The following SLC36A1 variants were observed in gnomAD, a reference collection of about 807,000 sequenced individuals.
The protein encoded by SLC36A1 is solute carrier family 36 member 1.
Under a neutral mutation model 47.5 loss-of-function variants are expected in SLC36A1, and 30 were observed. The observed-to-expected ratio is 0.63, with a 90% CI of 0.47 to 0.86. The LOEUF (loss-of-function observed/expected upper bound fraction) is 0.86, where lower values mean the gene tolerates loss of function less well. Ranked by LOEUF, SLC36A1 falls within the 40% of genes least tolerant of loss-of-function variation. The pLI is 0.00. For missense variants in SLC36A1, 517 were observed against 606.0 expected (o/e 0.85, Z 1.54); for synonymous variants, 255 against 249.7 (o/e 1.02, Z -0.20).
intron 5 of SLC36A1, among the ~76,000 whole-genome samples, chr5:151,465,679 G>A (rs186299599): frequency 6.6e-6 from 1 of 152,270 alleles, no homozygotes; most frequent in East Asian, 1.9e-4. Flanking sequence ...TGAGCTAGGA[G>A]TACACCCTCA....
the SLC36A1 span, chr5:151,543,702 G>A: frequency 6.2e-7 from 1 of 1,614,152 alleles, no homozygotes; most frequent in Non-Finnish European, 8.5e-7. Flanking sequence ...GGCTGTACTT[G>A]TTGGCATTTG....
the SLC36A1 span, among the ~76,000 whole-genome samples, chr5:151,371,145 G>A: frequency 6.6e-6 from 1 of 152,032 alleles, no homozygotes; most frequent in Non-Finnish European, 1.5e-5. Flanking sequence ...ATTGAAAAAT[G>A]TCCTCCAGGG....
chr5:151,495,856 GTTTTTTTC>G (rs1410926197), downstream of SLC36A1, among the ~76,000 whole-genome samples: 1 of 152,054 alleles, frequency 6.6e-6, no homozygotes, highest in African/African-American at 2.4e-5. Context: ...TTTATCAATA[GTTTTTTTC>G]TTTTTATTGC....
At chr5:151,448,305 C>G (rs892485739) in intron 1 of SLC36A1, among the ~76,000 whole-genome samples, 11 of 152,204 alleles carry the variant, frequency 7.2e-5, no homozygotes, top group Admixed American at 3.9e-4. Flanking sequence ...TGTTCCTAAG[C>G]TTCAGCAGCT....
the SLC36A1 span, among the ~76,000 whole-genome samples, chr5:151,537,122 C>T: frequency 6.6e-6 from 1 of 151,022 alleles, no homozygotes; most frequent in East Asian, 1.9e-4. Flanking sequence ...TCAAATATTC[C>T]CATAGCTAGC....
At chr5:151,550,617 C>A in the SLC36A1 span, 1 of 1,614,144 alleles carries the variant, frequency 6.2e-7, no homozygotes, top group South Asian at 1.1e-5. Flanking sequence ...GCTGGGAGGG[C>A]CCCGAGCCGA....
At chr5:151,506,042 C>A in the SLC36A1 span, 1 of 1,563,060 alleles carries the variant, frequency 6.4e-7, no homozygotes, top group Non-Finnish European at 8.6e-7. Context: ...GGGGGTATTC[C>A]CAGCGTTCGT....
the SLC36A1 span, among the ~76,000 whole-genome samples, chr5:151,500,277 T>A: frequency 6.6e-6 from 1 of 152,218 alleles, no homozygotes; most frequent in Non-Finnish European, 1.5e-5. Flanking sequence ...TTATTTAAGT[T>A]ACTAACATAA....
the SLC36A1 span, among the ~76,000 whole-genome samples, chr5:151,370,790 T>C: frequency 6.6e-6 from 1 of 152,032 alleles, no homozygotes; most frequent in Non-Finnish European, 1.5e-5. Flanking sequence ...GCCAGGAGTT[T>C]GAGACCAGCC....
the SLC36A1 span, chr5:151,549,545 G>A: frequency 1.3e-5 from 21 of 1,579,718 alleles, no homozygotes; most frequent in Non-Finnish European, 1.8e-5. Flanking sequence ...GCAGCAAATG[G>A]AATAGGAGGA....
At chr5:151,454,889 T>G (rs901535618) in intron 1 of SLC36A1, among the ~76,000 whole-genome samples, 3 of 152,064 alleles carry the variant, frequency 2.0e-5, no homozygotes, top group African/African-American at 7.2e-5. Context: ...ATTTTTTGTA[T>G]TTTTAGTAGA....
chr5:151,543,774 A>G, the SLC36A1 span: 1 of 1,614,136 alleles, frequency 6.2e-7, no homozygotes. Flanking sequence ...CTACCCTCAA[A>G]TTGTAAGAAG....
chr5:151,544,113 A>G, the SLC36A1 span: 1 of 1,614,208 alleles, frequency 6.2e-7, no homozygotes, highest in Non-Finnish European at 8.5e-7. Context: ...GGGCTTCATA[A>G]TCCAGTTCTT....
the SLC36A1 span, among the ~76,000 whole-genome samples, chr5:151,412,197 GAT>G: frequency 6.9e-6 from 1 of 144,600 alleles, no homozygotes; most frequent in African/African-American, 2.5e-5. Context: ...AATGTCTCAA[GAT>G]ATTTCCCATG....
At chr5:151,539,713 T>G in the SLC36A1 span, among the ~76,000 whole-genome samples, 1 of 152,246 alleles carries the variant, frequency 6.6e-6, no homozygotes, top group African/African-American at 2.4e-5. Context: ...CTTACTGTGT[T>G]TTAAAAAATA....
chr5:151,347,198 A>C, the SLC36A1 span: 5 of 1,444,302 alleles, frequency 3.5e-6, no homozygotes, highest in Non-Finnish European at 4.9e-6. Flanking sequence ...TCTCATCTGC[A>C]CAGTGGGTTG....
the SLC36A1 span, among the ~76,000 whole-genome samples, chr5:151,355,341 GA>G: frequency 0.015 from 2,158 of 146,236 alleles, 27 homozygotes; most frequent in African/African-American, 0.022. Context: ...AAAGGGGAAA[GA>G]AAAAAAAATA....
At chr5:151,425,706 G>A in the SLC36A1 span, among the ~76,000 whole-genome samples, 5 of 152,030 alleles carry the variant, frequency 3.3e-5, no homozygotes, top group African/African-American at 9.7e-5. Flanking sequence ...ATCTAGAAAC[G>A]AAATTCACAG....
chr5:151,500,758 G>A, the SLC36A1 span, among the ~76,000 whole-genome samples: 1 of 152,258 alleles, frequency 6.6e-6, no homozygotes, highest in Non-Finnish European at 1.5e-5. Flanking sequence ...AAAGGAGGCA[G>A]TAGAGGTGGT....
Sources: gnomAD v4.1 joint callset for allele counts (sites outside exome capture counted in the v4.1 genomes callset) on GRCh38, gnomAD v4.1.1 for gene constraint, MANE v1.5 for transcripts, NCBI Gene and HGNC (gene_info 2026-07-23, HGNC 2026-07-21) for gene names.